Variants in FRMPD2 observed in about 807,000 individuals in gnomAD.
The protein encoded by FRMPD2 is FERM and PDZ domain containing 2, also known as FERM and PDZ domain-containing protein 2.
FRMPD2 carries 96 observed loss-of-function variants against 140.1 expected under a neutral mutation model. The observed-to-expected ratio is 0.69, with a 90% confidence interval of 0.58 to 0.81. FRMPD2 has a LOEUF of 0.81. Ranked by LOEUF, FRMPD2 falls within the 40% of genes least tolerant of loss-of-function variation. The probability of loss-of-function intolerance (pLI) is 0.00; values close to 1 mark genes in which losing one functional copy is unlikely to be tolerated. For synonymous variants in FRMPD2, 449 were observed against 547.6 expected (o/e 0.82, Z 2.52); for missense variants, 1,240 against 1,447.4 (o/e 0.86, Z 2.32).
intron 14 of FRMPD2, among the ~76,000 whole-genome samples, chr10:48,202,613 C>A (rs1316478342): frequency 6.6e-6 from 1 of 152,210 alleles, no homozygotes; most frequent in African/African-American, 2.4e-5. Flanking sequence ...CTCAAGCATT[C>A]ATAGATGCTG....
chr10:48,223,063 C>T (rs561823921), intron 11 of FRMPD2, 60 bp downstream of exon 11: 36 of 1,489,800 alleles, frequency 2.4e-5, no homozygotes, highest in Middle Eastern at 3.5e-4. Context: ...ATTACCTCTC[C>T]GTCAGCCTGG....
At chr10:48,260,562 C>A (rs774241179) in intron 1 of FRMPD2, among the ~76,000 whole-genome samples, 4 of 152,182 alleles carry the variant, frequency 2.6e-5, no homozygotes, top group Non-Finnish European at 5.9e-5. Context: ...AATAACATTT[C>A]ATCTGGGCAG....
chr10:48,166,197 A>G (rs1426551328), intron 27 of FRMPD2, among the ~76,000 whole-genome samples: 2 of 122,856 alleles, frequency 1.6e-5, no homozygotes, highest in Non-Finnish European at 3.6e-5. Context: ...TTCACCCTGC[A>G]TTGGTGGTAC....
intron 14 of FRMPD2, among the ~76,000 whole-genome samples, chr10:48,202,205 T>C (rs1308426321): frequency 6.6e-6 from 1 of 152,128 alleles, no homozygotes; most frequent in Non-Finnish European, 1.5e-5. Flanking sequence ...AACTTCCAAA[T>C]AAAATCTTCA....
At chr10:48,185,496 C>T in intron 18 of FRMPD2, 57 bp downstream of exon 18, 2 of 1,202,592 alleles carry the variant, frequency 1.7e-6, no homozygotes, top group South Asian at 1.2e-5. Context: ...ACAGTACCCA[C>T]CTCCCCACTT....
chr10:48,206,961 G>C, intron 13 of FRMPD2, 28 bp from the exon 14 acceptor site: 1 of 1,608,034 alleles, frequency 6.2e-7, no homozygotes, highest in Non-Finnish European at 8.5e-7. Context: ...TGATTTAGAA[G>C]AGACAGGCAC....
intron 12 of FRMPD2, 45 bp downstream of exon 12, chr10:48,222,267 GT>G: frequency 1.3e-6 from 2 of 1,594,458 alleles, no homozygotes; most frequent in Non-Finnish European, 1.7e-6. Context: ...TCCTGTAACT[GT>G]TTTTCCAGTG....
chr10:48,204,750 A>G (rs752789692), intron 14 of FRMPD2, among the ~76,000 whole-genome samples: 1 of 152,138 alleles, frequency 6.6e-6, no homozygotes, highest in Admixed American at 6.5e-5. Context: ...TCTTTTTCAT[A>G]AAGAGGGCCC....
At position 48,184,569 on chromosome 10, in the gene FRMPD2, T is replaced by C. The variant is rs761544541; in HGVS notation, c.2581A>G (p.Lys861Glu). Reference protein sequence around the residue: ...DNIELIISQSKGVGGNNPDEE... With the variant: ...DNIELIISQSEGVGGNNPDEE... ...CCAAGAGTGGGTTAAAACATACCTTTTGACTGAGAAATAATTAATTCTATG... is the reference window on the plus strand; with the variant it reads ...CCAAGAGTGGGTTAAAACATACCTTCTGACTGAGAAATAATTAATTCTATG... The change falls in exon 20 of 29, where the codon AAA (lysine) becomes GAA (glutamate). Residue 861 changes from lysine to glutamate, a missense_variant. This residue lies in a region of FRMPD2 where 1,161 missense variants were observed against 1,055.9 expected (regional missense o/e 1.10). Transcript: ENST00000374201. 1.9e-6 allele frequency: 3 copies of C among 1,596,714 alleles called. No homozygotes were observed. Among genetic ancestry groups the C allele is most frequent in the East Asian group, 2.2e-5 (1 of 44,786 alleles).
intron 14 of FRMPD2, among the ~76,000 whole-genome samples, chr10:48,206,185 T>C (rs895198663): frequency 5.9e-5 from 9 of 152,178 alleles, no homozygotes; most frequent in Admixed American, 5.9e-4. Flanking sequence ...AAATGTTGTA[T>C]ACTTAATGGG....
In FRMPD2 at chr10:48,223,239, G is replaced by C. The variant is rs143527281; in HGVS notation, c.1200C>G (p.Thr400=). The change falls in exon 11 of 29, where the codon ACC becomes ACG. Residue 400 remains threonine, a synonymous_variant. Coordinates refer to ENST00000374201, the MANE Select transcript of FRMPD2 (RefSeq NM_001018071.4). ...CTTCAGGAGCTATTTTGCACAATCT[G>C]GTTTCACTGTCCAGGAAAAAGAACT... ...SKEFFFLDSE[T]RLCKIAPEGW... The C allele has an allele frequency of 2.4e-4, 389 of 1,613,736 alleles. 1 individual carries two copies. The highest frequency in any genetic ancestry group is 3.2e-4 in the Non-Finnish European group (376 of 1,179,834).
At chr10:48,273,324 G>T (rs1190754862) in intron 1 of FRMPD2, among the ~76,000 whole-genome samples, 1 of 151,976 alleles carries the variant, frequency 6.6e-6, no homozygotes, top group Non-Finnish European at 1.5e-5. Context: ...AAAACTACCA[G>T]TGCCTATCTG....
chr10:48,240,289 C>A (rs1840074071), intron 6 of FRMPD2, 71 bp downstream of exon 6: 7 of 1,525,868 alleles, frequency 4.6e-6, no homozygotes, highest in Non-Finnish European at 6.2e-6. Context: ...GATGTGTAGC[C>A]CATACAGGGC....
intron 1 of FRMPD2, among the ~76,000 whole-genome samples, chr10:48,254,619 G>A (rs961373632): frequency 6.6e-6 from 1 of 152,252 alleles, no homozygotes; most frequent in Admixed American, 6.5e-5. Flanking sequence ...TTCCTTGAAC[G>A]ACAATACACT....
intron 9 of FRMPD2, among the ~76,000 whole-genome samples, chr10:48,233,122 C>G (rs1706200009): frequency 6.6e-6 from 1 of 152,208 alleles, no homozygotes; most frequent in Admixed American, 6.5e-5. Flanking sequence ...GAAGTTCTCT[C>G]TAGAAGGCAG....
chr10:48,214,458 G>T (rs1339884157), intron 12 of FRMPD2, among the ~76,000 whole-genome samples: 1 of 152,158 alleles, frequency 6.6e-6, no homozygotes, highest in Non-Finnish European at 1.5e-5. Flanking sequence ...TAGGTTCATT[G>T]ATTGTAACAA....
At position 48,239,692 on chromosome 10, in the gene FRMPD2, AC is replaced by A. The variant is rs1360041350; in HGVS notation, c.701-1del. 2 of 1,612,918 alleles carry A rather than the reference AC, an allele frequency of 1.2e-6. No homozygotes were observed. Among genetic ancestry groups the A allele is most frequent in the African/African-American group, 2.7e-5 (2 of 74,876 alleles). ...CTGGGTCTCCGTGCTTCTTTCTGAA[AC>A]TAATCAAGCAGCATGGTAGAGGGTA... On this transcript the variant is annotated splice_acceptor_variant, in intron 6 of 28. Transcript: ENST00000374201. LOFTEE classifies it high-confidence loss of function.
At chr10:48,237,125 TAA>T (rs10563330) in intron 8 of FRMPD2, among the ~76,000 whole-genome samples, 15,630 of 131,444 alleles carry the variant, frequency 0.12, 862 homozygotes, top group South Asian at 0.14. Context: ...TCCTCACCTT[TAA>T]AAAAAAAAAA....
At chr10:48,242,434 G>T in intron 4 of FRMPD2, 82 bp from the exon 5 acceptor site, 1 of 1,287,642 alleles carries the variant, frequency 7.8e-7, no homozygotes, top group Non-Finnish European at 1.1e-6. Context: ...GCAGGCCTTG[G>T]AGACATGGAA....
Sources: allele counts gnomAD v4.1 joint callset (sites outside exome capture counted in the v4.1 genomes callset), GRCh38; gene constraint gnomAD v4.1.1; regional missense constraint gnomAD v4.1.1; transcripts MANE v1.5; gene names NCBI Gene and HGNC (gene_info 2026-07-23, HGNC 2026-07-21).